CHFR: variants seen among roughly 807,000 people sequenced by gnomAD.
The protein encoded by CHFR is E3 ubiquitin-protein ligase CHFR.
A neutral mutation model predicts 87.6 loss-of-function variants in CHFR; 57 were observed. The ratio of observed to expected loss-of-function variants is 0.65; its 90% CI spans 0.53 to 0.81. The LOEUF is 0.81. Among genes scored for constraint, CHFR ranks in the 30% least tolerant of loss-of-function variants. The pLI, the probability that CHFR is intolerant of heterozygous loss-of-function variation, is 0.00. For missense variants in CHFR, 797 were observed against 865.8 expected (o/e 0.92, Z 1.00); for synonymous variants, 381 against 359.2 (o/e 1.06, Z -0.69).
chr12:132,844,126 C>T lies in CHFR; in HGVS notation c.1744G>A (p.Val582Ile). ...TAACACAGAACGGTGTCTCCCGTGA[C>T]TCTGTAATCTGGAAGAAACACAGCC... ...RGVFLLSDYR[V>I]TGDTVLCYCC... The change falls in exon 16 of 18, where the codon GTC (valine) becomes ATC (isoleucine). Residue 582 changes from valine to isoleucine, a missense_variant. Physicochemically the swap from Val to Ile is conservative, Grantham distance 29. Around this residue, in one of 2 missense-constraint regions of CHFR, gnomAD observed 200 missense variants for 264.6 expected, o/e 0.76. Transcript: ENST00000450056. 1.9e-6 allele frequency: 3 copies of T among 1,610,642 alleles called. No individual in the cohort carries two copies. The highest frequency in any genetic ancestry group is 2.5e-6 in the Non-Finnish European group (3 of 1,177,466).
At chr12:132,870,811 AGTG>A in intron 4 of CHFR, 28 bp from the exon 5 acceptor site, 1 of 1,490,164 alleles carries the variant, frequency 6.7e-7, no homozygotes, top group Non-Finnish European at 9.4e-7. Flanking sequence ...AAATCAGAAA[AGTG>A]GTGGCCCCTG....
At chr12:132,883,543 G>A (rs1459740989) in intron 2 of CHFR, among the ~76,000 whole-genome samples, 1 of 151,680 alleles carries the variant, frequency 6.6e-6, no homozygotes, top group African/African-American at 2.4e-5. Context: ...GGCTAACATG[G>A]TGAAACCCTG....
rs868541823 is a variant in CHFR at position 132,847,208 on chromosome 12, C to T, written c.1648-78G>A. On this transcript the variant is annotated intron_variant, in intron 14 of 17. Transcript: ENST00000450056. ...ACTGAAATAACGAGAGAAAACATTT[C>T]ATAAAAGGCCCCTGAAAGTGTGCAA... 5.4e-5 allele frequency: 85 copies of T among 1,578,572 alleles called. No homozygotes were observed. In the African/African-American group the frequency reaches 5.8e-4, roughly 11 times the overall value.
At position 132,873,366 on chromosome 12, in the gene CHFR, T is replaced by TCCGAAAC. The variant is rs1951536547; in HGVS notation, c.234-979_234-973dup. On this transcript the variant is annotated intron_variant, in intron 3 of 17. Transcript: ENST00000450056. ...GCCACAGCCGTCTCCCCGTAAAACCTCCGAAACCAGGCAGTGGCTGTGTGT... is the reference window on the plus strand; with the variant it reads ...GCCACAGCCGTCTCCCCGTAAAACCTCCGAAACCCGAAACCAGGCAGTGGCTGTGTGT... 3.3e-5 allele frequency among the ~76,000 whole-genome samples: 5 copies of TCCGAAAC among 152,252 alleles called. No homozygotes were observed. In the South Asian group the frequency reaches 8.3e-4, roughly 25 times the overall value.
chr12:132,850,579 C>T (rs1950918104), intron 12 of CHFR, among the ~76,000 whole-genome samples: 1 of 152,166 alleles, frequency 6.6e-6, no homozygotes, highest in Non-Finnish European at 1.5e-5. Flanking sequence ...GTCCCACGGC[C>T]ATGTGTCCCG....
rs1950656158 is a variant in CHFR at position 132,837,452 on chromosome 12, G to C, written c.*4102C>G. The C allele has an allele frequency of 1.3e-5, 2 of 154,334 alleles. No homozygotes were observed. Among genetic ancestry groups the C allele is most frequent in the South Asian group, 2.0e-4 (1 of 4,958 alleles). 9.6% of individuals were successfully genotyped at this position (154,334 alleles called of 1,614,324 possible). On this transcript the variant is annotated 3_prime_UTR_variant, in exon 18 of 18. Transcript: ENST00000450056. Reference sequence around the variant, plus strand: ...CAACCAGGCCAACTGAGCTGAGTGGGTAAGGCTGGAAGGGGTGCCATCCCA... The same window carrying C: ...CAACCAGGCCAACTGAGCTGAGTGGCTAAGGCTGGAAGGGGTGCCATCCCA...
chr12:132,875,370 G>T (rs1951606955), intron 3 of CHFR, among the ~76,000 whole-genome samples: 1 of 152,172 alleles, frequency 6.6e-6, no homozygotes. Context: ...GGCCGGGTGT[G>T]GGGGCTCACA....
rs1438108721 is a variant in CHFR at position 132,834,398 on chromosome 12, T to G, written c.*7156A>C. 1 of 152,362 alleles carries G rather than the reference T, an allele frequency of 6.6e-6. No individual in the cohort carries two copies. The highest frequency in any genetic ancestry group is 1.5e-5 in the Non-Finnish European group (1 of 68,184). 9.4% of individuals were successfully genotyped at this position (152,362 alleles called of 1,614,324 possible). A position where few individuals can be genotyped will look rare whatever the true frequency, so the allele number is the denominator to read the frequency against. On this transcript the variant is annotated 3_prime_UTR_variant, in exon 18 of 18. Coordinates refer to ENST00000450056, the MANE Select transcript of CHFR (RefSeq NM_001161346.2). ...CCTCTGAGACAGACTGGACCCTTCCTGAAAACAAAAACCAAACGGGATGAG... is the reference window on the plus strand; with the variant it reads ...CCTCTGAGACAGACTGGACCCTTCCGGAAAACAAAAACCAAACGGGATGAG...
chr12:132,842,835 G>T (rs914736739), intron 17 of CHFR, among the ~76,000 whole-genome samples, 176 bp downstream of exon 17: 2 of 152,230 alleles, frequency 1.3e-5, no homozygotes, highest in Non-Finnish European at 2.9e-5. Context: ...GGAAGACGGA[G>T]ATAAAACTGC....
intron 16 of CHFR, 67 bp downstream of exon 16, chr12:132,843,957 AAAG>A (rs1593442279): frequency 1.3e-5 from 13 of 970,310 alleles, no homozygotes; most frequent in Middle Eastern, 2.1e-4. Flanking sequence ...CAAAAAAAAA[AAAG>A]AGAGGCAGAA....
At chr12:132,844,559 C>T (rs1385077264) in intron 15 of CHFR, among the ~76,000 whole-genome samples, 2 of 151,398 alleles carry the variant, frequency 1.3e-5, no homozygotes, top group African/African-American at 4.8e-5. Context: ...GCTGGGATTA[C>T]AGGCGTGAGC....
intron 11 of CHFR, among the ~76,000 whole-genome samples, chr12:132,852,538 C>A (rs886388564): frequency 1.3e-5 from 2 of 152,202 alleles, no homozygotes; most frequent in African/African-American, 4.8e-5. Flanking sequence ...AACATGCCGG[C>A]CATAAGGACG....
intron 2 of CHFR, among the ~76,000 whole-genome samples, chr12:132,885,850 A>C (rs1418561333): frequency 6.6e-6 from 1 of 152,216 alleles, no homozygotes; most frequent in Non-Finnish European, 1.5e-5. Context: ...TCTGCTCTTC[A>C]CCAAACCTCC....
At chr12:132,851,857 C>G (rs1222357703) in intron 11 of CHFR, 120 bp from the exon 12 acceptor site, 2 of 1,221,052 alleles carry the variant, frequency 1.6e-6, no homozygotes, top group South Asian at 1.8e-5. Context: ...GGGGAAGAAG[C>G]AGACCTGCCC....
rs1464052810 is a variant in CHFR at position 132,859,152 on chromosome 12, A to G, written c.827T>C (p.Val276Ala). 6.2e-7 allele frequency: 1 copy of G among 1,613,920 alleles called. No homozygotes were observed. Among genetic ancestry groups the G allele is most frequent in the Non-Finnish European group, 8.5e-7 (1 of 1,179,970 alleles). The change falls in exon 8 of 18, where the codon GTC becomes GCC. Residue 276 changes from valine (V) to alanine (A), a missense_variant. Coordinates refer to ENST00000450056, the MANE Select transcript of CHFR (RefSeq NM_001161346.2). ...GTCTGGCTTCCCAGCCGCTGCTCTG[A>G]CGTCCTCGTGGACGGTTTGGGCATT... The part of the protein sequence containing the change: ...RRNAQTVHED[V>A]RAAAGKPDKM...
rs748573732 is a variant in CHFR at position 132,872,276 on chromosome 12, C to G, written c.343+9G>C. The G allele has an allele frequency of 6.3e-7, 1 of 1,591,042 alleles. No individual in the cohort carries two copies. Among genetic ancestry groups the G allele is most frequent in the South Asian group, 1.1e-5 (1 of 90,556 alleles). On this transcript the variant is annotated intron_variant, in intron 4 of 17. Transcript: ENST00000450056. The stretch of plus-strand genomic sequence containing the variant: ...GGGTCTGACCCCGGCAAGCCTTCCT[C>G]TCTCTTACTGTGTTCCGGTTCATTC...
In CHFR at chr12:132,859,100, G is replaced by A. The variant is rs770185579; in HGVS notation, c.879C>T (p.Ile293=). ...AGTCGTGCAGCAGGTCCTGGCAGAT[G>A]ATGCATGTCAGCGTCTCCTCCATCT... ...PDKMEETLTC[I]ICQDLLHDCV... Residue 293 remains isoleucine (I), a synonymous_variant, in exon 8 of 18, where the codon ATC becomes ATT. Transcript: ENST00000450056. 1.2e-6 allele frequency: 2 copies of A among 1,614,044 alleles called. No homozygotes were observed. The highest frequency in any genetic ancestry group is 1.3e-5 in the African/African-American group (1 of 75,068).
chr12:132,846,982 C>T (rs1239986299), intron 15 of CHFR, 61 bp downstream of exon 15: 12 of 1,237,562 alleles, frequency 9.7e-6, no homozygotes, highest in East Asian at 2.3e-5. Context: ...AGAGCAGACA[C>T]GCAGGCACAG....
At chr12:132,846,474 G>A (rs963141682) in intron 15 of CHFR, among the ~76,000 whole-genome samples, 1 of 151,832 alleles carries the variant, frequency 6.6e-6, no homozygotes, top group African/African-American at 2.4e-5. Context: ...GTTTTACCGT[G>A]TTAGCCAGGA....
Sources: gnomAD v4.1 joint callset for allele counts (sites outside exome capture counted in the v4.1 genomes callset) on GRCh38, gnomAD v4.1.1 for gene constraint, gnomAD v4.1.1 regional missense constraint, MANE v1.5 for transcripts, NCBI Gene and HGNC (gene_info 2026-07-23, HGNC 2026-07-21) for gene names.